Variants in SLC23A2 observed in about 807,000 individuals in gnomAD.
SLC23A2 encodes Na(+)/L-ascorbic acid transporter 2.
A neutral mutation model predicts 73.3 loss-of-function variants in SLC23A2; 36 were observed. The observed-to-expected ratio is 0.49, with a 90% confidence interval of 0.38 to 0.65. The LOEUF is 0.65. Among genes scored for constraint, SLC23A2 ranks in the 30% least tolerant of loss-of-function variants. The probability of loss-of-function intolerance (pLI) is 0.00; values close to 1 mark genes in which losing one functional copy is unlikely to be tolerated. For synonymous variants in SLC23A2, 343 were observed against 327.3 expected (o/e 1.05, Z -0.52); for missense variants, 507 against 841.6 (o/e 0.60, Z 4.92).
intron 1 of SLC23A2, among the ~76,000 whole-genome samples, chr20:4,983,069 C>T (rs1435368923): frequency 6.6e-6 from 1 of 151,986 alleles, no homozygotes; most frequent in Non-Finnish European, 1.5e-5. Flanking sequence ...CGCGCCATTG[C>T]ACTCCAGCCT....
chr20:4,933,583 C>G (rs549419779), intron 2 of SLC23A2, among the ~76,000 whole-genome samples: 3 of 151,816 alleles, frequency 2.0e-5, no homozygotes, highest in African/African-American at 7.3e-5. Context: ...GAGCCAAGAT[C>G]GCATCACTGC....
At chr20:4,985,174 A>T (rs1039946618) in intron 1 of SLC23A2, among the ~76,000 whole-genome samples, 1 of 151,860 alleles carries the variant, frequency 6.6e-6, no homozygotes, top group African/African-American at 2.4e-5. Flanking sequence ...TGGAATTACC[A>T]TATGATCCAG....
chr20:4,860,741 G>C (rs776781086), intron 15 of SLC23A2, among the ~76,000 whole-genome samples: 5 of 152,162 alleles, frequency 3.3e-5, no homozygotes, highest in Non-Finnish European at 5.9e-5. Flanking sequence ...ACATTATCTA[G>C]TCATAAAAAA....
At chr20:4,861,360 T>C (rs778286224) in intron 15 of SLC23A2, among the ~76,000 whole-genome samples, 2 of 152,202 alleles carry the variant, frequency 1.3e-5, no homozygotes, top group African/African-American at 2.4e-5. Flanking sequence ...AATTTTGTTA[T>C]GTGAATTTCA....
At chr20:4,864,542 T>C (rs760991192) in intron 13 of SLC23A2, among the ~76,000 whole-genome samples, 1 of 152,198 alleles carries the variant, frequency 6.6e-6, no homozygotes, top group African/African-American at 2.4e-5. Context: ...GCTGTTACTA[T>C]GGAATAAGGA....
intron 15 of SLC23A2, among the ~76,000 whole-genome samples, chr20:4,861,695 G>T (rs1053248054): frequency 7.9e-5 from 12 of 152,110 alleles, no homozygotes; most frequent in African/African-American, 2.9e-4. Flanking sequence ...TTAGAGAGAG[G>T]CATTCTCCCA....
At chr20:4,915,022 A>G (rs1243390865) in intron 3 of SLC23A2, among the ~76,000 whole-genome samples, 1 of 152,190 alleles carries the variant, frequency 6.6e-6, no homozygotes, top group Non-Finnish European at 1.5e-5. Flanking sequence ...ACTCTAAATA[A>G]ATACATAAAT....
chr20:4,895,974 T>C (rs989084848), intron 6 of SLC23A2, among the ~76,000 whole-genome samples: 2 of 152,166 alleles, frequency 1.3e-5, no homozygotes, highest in Admixed American at 1.3e-4. Context: ...ACAGGAAACC[T>C]GAGGCAAGGC....
At chr20:4,985,592 T>C (rs371944356) in intron 1 of SLC23A2, among the ~76,000 whole-genome samples, 2 of 152,034 alleles carry the variant, frequency 1.3e-5, no homozygotes, top group African/African-American at 4.8e-5. Context: ...GGACTACAGG[T>C]GCGCGCCACC....
At chr20:4,970,754 G>A (rs572379347) in intron 2 of SLC23A2, 39 bp downstream of exon 2, 4 of 152,242 alleles carry the variant, frequency 2.6e-5, no homozygotes, top group African/African-American at 4.8e-5. Flanking sequence ...GTAAGAAAAG[G>A]AAAAGGAAAC....
At chr20:5,009,956 G>A (rs956445297) in intron 1 of SLC23A2, among the ~76,000 whole-genome samples, 7 of 152,030 alleles carry the variant, frequency 4.6e-5, no homozygotes, top group African/African-American at 7.2e-5. Context: ...TTAGCCGGGC[G>A]TGGTTGCAGG....
At chr20:4,987,723 C>T (rs992984999) in intron 1 of SLC23A2, among the ~76,000 whole-genome samples, 6 of 151,936 alleles carry the variant, frequency 3.9e-5, no homozygotes, top group African/African-American at 1.5e-4. Flanking sequence ...TAGCGGGCGC[C>T]TGTAGTCCCA....
At position 4,886,048 on chromosome 20, in the gene SLC23A2, G is replaced by T; in HGVS notation, c.483-139C>A. 6 of 577,588 alleles carry T rather than the reference G, an allele frequency of 1.0e-5. No homozygotes were observed. In the South Asian group the frequency reaches 1.2e-4, roughly 12 times the overall value. The allele number at this position is 577,588 out of a possible 1,614,324, so 35.8% of individuals were successfully genotyped here. On this transcript the variant is annotated intron_variant, in intron 6 of 16. Coordinates refer to ENST00000338244, the MANE Select transcript of SLC23A2 (RefSeq NM_005116.6). ...GGCACACCTAGAAGAAAAAGCCCCA[G>T]TTTGCAAAGGTTTCCTGTGCCATGC...
chr20:4,918,387 C>T (rs533118246), intron 3 of SLC23A2, among the ~76,000 whole-genome samples: 5 of 152,286 alleles, frequency 3.3e-5, no homozygotes, highest in South Asian at 2.1e-4. Context: ...GAGGTTTTCT[C>T]TGCCTAACCA....
chr20:4,963,738 C>T (rs2087429424), intron 2 of SLC23A2, among the ~76,000 whole-genome samples: 2 of 152,064 alleles, frequency 1.3e-5, no homozygotes, highest in South Asian at 4.1e-4. Context: ...GTCCCAGCTA[C>T]TCCTGAGGCT....
chr20:4,896,115 A>AGAG (rs1931510359), intron 6 of SLC23A2, among the ~76,000 whole-genome samples: 1 of 152,094 alleles, frequency 6.6e-6, no homozygotes, highest in African/African-American at 2.4e-5. Context: ...GGGGGGGATG[A>AGAG]GAGAAGAGGA....
intron 5 of SLC23A2, among the ~76,000 whole-genome samples, chr20:4,901,085 C>T (rs1931727550): frequency 6.6e-6 from 1 of 152,150 alleles, no homozygotes; most frequent in Non-Finnish European, 1.5e-5. Context: ...ATAAGATAAA[C>T]ATTCCAAAAA....
intron 3 of SLC23A2, among the ~76,000 whole-genome samples, chr20:4,928,898 G>A (rs1282856700): frequency 6.6e-6 from 1 of 152,076 alleles, no homozygotes. Flanking sequence ...AATGTAACAG[G>A]GATAGAGGGA....
intron 2 of SLC23A2, among the ~76,000 whole-genome samples, chr20:4,943,027 A>G (rs376435043): frequency 7.5e-4 from 114 of 151,314 alleles, no homozygotes; most frequent in African/African-American, 2.1e-3. Flanking sequence ...CAGCCTGAGC[A>G]ACATAGCGAG....
Sources: allele counts gnomAD v4.1 joint callset (sites outside exome capture counted in the v4.1 genomes callset), GRCh38; gene constraint gnomAD v4.1.1; transcripts MANE v1.5; gene names NCBI Gene and HGNC (gene_info 2026-07-23, HGNC 2026-07-21).